HIPK2: variants seen among roughly 807,000 people sequenced by gnomAD.
The protein encoded by HIPK2 is homeodomain-interacting protein kinase 2.
HIPK2 carries 27 observed loss-of-function variants against 113.7 expected under a neutral mutation model. The ratio of observed to expected loss-of-function variants is 0.24; its 90% CI spans 0.17 to 0.33. The LOEUF (loss-of-function observed/expected upper bound fraction) is 0.33, where lower values mean the gene tolerates loss of function less well. Among genes scored for constraint, HIPK2 ranks in the 10% least tolerant of loss-of-function variants. HIPK2 has a pLI of 1.00. For missense variants in HIPK2, 1,257 were observed against 1,588.0 expected (o/e 0.79, Z 3.54); for synonymous variants, 631 against 642.2 (o/e 0.98, Z 0.26).
chr7:139,657,448 C>T (rs889148337), intron 2 of HIPK2, among the ~76,000 whole-genome samples: 5 of 152,326 alleles, frequency 3.3e-5, no homozygotes, highest in African/African-American at 1.2e-4. Flanking sequence ...CTTATCTACG[C>T]TGAGCTTATC....
intron 2 of HIPK2, among the ~76,000 whole-genome samples, chr7:139,650,161 C>T (rs933578688): frequency 4.6e-5 from 7 of 151,940 alleles, no homozygotes; most frequent in African/African-American, 7.3e-5. Flanking sequence ...ACCAGCCTGG[C>T]CAACATGGTG....
chr7:139,633,264 G>T (rs1439312995), intron 2 of HIPK2, among the ~76,000 whole-genome samples: 2 of 151,998 alleles, frequency 1.3e-5, no homozygotes, highest in Non-Finnish European at 2.9e-5. Context: ...GGAGTGAAGG[G>T]AGCTGGGGAG....
chr7:139,632,299 C>T, intron 2 of HIPK2, among the ~76,000 whole-genome samples: 1 of 152,150 alleles, frequency 6.6e-6, no homozygotes, highest in Non-Finnish European at 1.5e-5. Context: ...TATAGGAATG[C>T]ACAACCACAC....
At chr7:139,587,747 G>T (rs1279860201) in intron 12 of HIPK2, among the ~76,000 whole-genome samples, 1 of 152,068 alleles carries the variant, frequency 6.6e-6, no homozygotes. Context: ...GCATGGTGGT[G>T]TGCACCTATA....
rs74508644 is a variant in HIPK2, at chr7:139,632,347, C to G, written c.1104-622G>C. ...ATTCTATCTTCAGGAAGATGTAAAACAAGCTGTCCCCTTCCCAAAATAACG... is the reference window on the plus strand; with the variant it reads ...ATTCTATCTTCAGGAAGATGTAAAAGAAGCTGTCCCCTTCCCAAAATAACG... On this transcript the variant is annotated intron_variant, in intron 2 of 14. Coordinates refer to ENST00000406875, the MANE Select transcript of HIPK2 (RefSeq NM_022740.5). Among the ~76,000 whole-genome samples the G allele has an allele frequency of 3.3e-3, 505 of 152,356 alleles. 2 individuals are homozygous for G. Among genetic ancestry groups the G allele is most frequent in the African/African-American group, 0.012 (484 of 41,580 alleles).
chr7:139,588,449 G>A (rs1033616766), intron 12 of HIPK2, among the ~76,000 whole-genome samples: 1 of 151,496 alleles, frequency 6.6e-6, no homozygotes, highest in Non-Finnish European at 1.5e-5. Context: ...CCCAGGAGGT[G>A]AGGTTGTAGT....
intron 13 of HIPK2, 79 bp downstream of exon 13, chr7:139,583,738 A>T: frequency 1.9e-6 from 3 of 1,551,970 alleles, no homozygotes; most frequent in Non-Finnish European, 2.6e-6. Context: ...GCTCCCATAC[A>T]GCAACATTTC....
chr7:139,616,752 T>C (rs2116813118), intron 7 of HIPK2, among the ~76,000 whole-genome samples: 1 of 152,358 alleles, frequency 6.6e-6, no homozygotes, highest in South Asian at 2.1e-4. Flanking sequence ...CTTTCCAGCC[T>C]AAAGTCTCCT....
chr7:139,691,211 A>G (rs545402223), intron 2 of HIPK2, among the ~76,000 whole-genome samples: 11 of 152,354 alleles, frequency 7.2e-5, no homozygotes, highest in African/African-American at 2.6e-4. Context: ...GGCTAGCTGC[A>G]GAGCTGGTTT....
At chr7:139,687,230 G>C (rs762244149) in intron 2 of HIPK2, among the ~76,000 whole-genome samples, 1 of 152,192 alleles carries the variant, frequency 6.6e-6, no homozygotes, top group East Asian at 1.9e-4. Flanking sequence ...TGCAAGCCTA[G>C]CTCTAGCATT....
chr7:139,713,347 C>T (rs1012691230), intron 2 of HIPK2, among the ~76,000 whole-genome samples: 3 of 152,168 alleles, frequency 2.0e-5, no homozygotes, highest in African/African-American at 7.2e-5. Flanking sequence ...CTGCCGCAGG[C>T]TTCCTGAGCT....
intron 1 of HIPK2, among the ~76,000 whole-genome samples, chr7:139,717,554 T>C (rs1014879532): frequency 1.3e-5 from 2 of 152,166 alleles, no homozygotes; most frequent in African/African-American, 4.8e-5. Context: ...TGTCATCGAT[T>C]CTGTAGGGTT....
intron 1 of HIPK2, among the ~76,000 whole-genome samples, chr7:139,727,294 A>T (rs141586804): frequency 6.6e-6 from 1 of 152,216 alleles, no homozygotes; most frequent in Non-Finnish European, 1.5e-5. Context: ...AAACAGAGAA[A>T]GAGTGGCAGA....
intron 2 of HIPK2, among the ~76,000 whole-genome samples, chr7:139,632,459 T>C (rs1800651509): frequency 6.6e-6 from 1 of 152,254 alleles, no homozygotes; most frequent in African/African-American, 2.4e-5. Context: ...CTATTTTTTA[T>C]TAGCTTCTAA....
At chr7:139,751,593 T>C (rs572803964) in intron 1 of HIPK2, among the ~76,000 whole-genome samples, 2 of 107,736 alleles carry the variant, frequency 1.9e-5, no homozygotes, top group African/African-American at 6.7e-5. Context: ...GATGGATAGA[T>C]GGATGGATGG....
At chr7:139,733,667 T>C (rs776338991) in intron 1 of HIPK2, among the ~76,000 whole-genome samples, 14 of 152,222 alleles carry the variant, frequency 9.2e-5, no homozygotes, top group African/African-American at 1.7e-4. Flanking sequence ...AATATACATA[T>C]TCAAATTTTC....
chr7:139,739,389 C>A (rs1335191244), intron 1 of HIPK2, among the ~76,000 whole-genome samples: 1 of 152,090 alleles, frequency 6.6e-6, no homozygotes, highest in Admixed American at 6.6e-5. Flanking sequence ...GAGTTCAAGA[C>A]CAGCCTGGCC....
intron 2 of HIPK2, among the ~76,000 whole-genome samples, chr7:139,696,122 G>A (rs923861090): frequency 7.9e-4 from 120 of 152,290 alleles, no homozygotes; most frequent in African/African-American, 2.3e-3. Context: ...CATTGATAAC[G>A]TGATGTTTGT....
At chr7:139,614,184 C>T in intron 8 of HIPK2, 102 bp downstream of exon 8, 2 of 1,090,592 alleles carry the variant, frequency 1.8e-6, no homozygotes, top group Non-Finnish European at 2.4e-6. Context: ...ATGAGGAGGG[C>T]CTTTCTCCAT....
Sources: gnomAD v4.1 joint callset for allele counts (sites outside exome capture counted in the v4.1 genomes callset) on GRCh38, gnomAD v4.1.1 for gene constraint, MANE v1.5 for transcripts, NCBI Gene and HGNC (gene_info 2026-07-23, HGNC 2026-07-21) for gene names.